Variants in MNS1 observed in about 807,000 individuals in gnomAD.
MNS1 encodes the protein meiosis-specific nuclear structural protein 1.
A neutral mutation model predicts 72.0 loss-of-function variants in MNS1; 63 were observed. The observed-to-expected ratio is 0.87, with a 90% CI of 0.71 to 1.08. The LOEUF (loss-of-function observed/expected upper bound fraction) is 1.08. Ranked by LOEUF, MNS1 falls within the 50% of genes least tolerant of loss-of-function variation. MNS1 has a pLI of 0.00. For missense variants in MNS1, 604 were observed against 562.4 expected (o/e 1.07, Z -0.75); for synonymous variants, 188 against 172.1 (o/e 1.09, Z -0.72).
chr15:56,431,579 G>C lies in MNS1; in HGVS notation c.1270-81C>G. 6.4e-6 allele frequency: 9 copies of C among 1,407,400 alleles called. No individual in the cohort carries two copies. In the South Asian group the frequency reaches 1.0e-4, roughly 16 times the overall value. 87.2% of individuals were successfully genotyped at this position (1,407,400 alleles called of 1,614,324 possible). On this transcript the variant is annotated intron_variant, in intron 8 of 9. Coordinates refer to ENST00000260453, the MANE Select transcript of MNS1 (RefSeq NM_018365.4). ...TTTCAAATAAAACTACTCATGCAAT[G>C]AATTAGATAAAATTGATGAACTATT...
intron 2 of MNS1, 57 bp downstream of exon 2, chr15:56,463,969 T>C: frequency 4.3e-6 from 6 of 1,388,326 alleles, no homozygotes; most frequent in Non-Finnish European, 5.9e-6. Context: ...CAGCTGACTT[T>C]CATCGTTTCC....
chr15:56,460,009 A>AAAAAAAAAAATATATATATATATATAT lies in MNS1; in HGVS notation c.226-3489_226-3488insATATATATATATATATATTTTTTTTTT. Among the ~76,000 whole-genome samples the AAAAAAAAAAATATATATATATATATAT allele has an allele frequency of 8.3e-4, 22 of 26,370 alleles. 3 individuals are homozygous for AAAAAAAAAAATATATATATATATATAT. Among genetic ancestry groups the AAAAAAAAAAATATATATATATATATAT allele is most frequent in the Non-Finnish European group, 1.0e-3 (15 of 14,294 alleles). 17.3% of individuals were successfully genotyped at this position (26,370 alleles called of 152,430 possible). A position where few individuals can be genotyped will look rare whatever the true frequency, so the allele number is the denominator to read the frequency against. On this transcript the variant is annotated intron_variant, in intron 2 of 9. Transcript: ENST00000260453. ...CTGTCTCAAAAAAAAAAAAAAAAAAAATACATATATATATATATATATATA... is the reference window on the plus strand; with the variant it reads ...CTGTCTCAAAAAAAAAAAAAAAAAAAAAAAAAAAAATATATATATATATATATATACATATATATATATATATATATA...
intron 7 of MNS1, among the ~76,000 whole-genome samples, chr15:56,437,375 T>C (rs1467382553): frequency 6.6e-6 from 1 of 152,140 alleles, no homozygotes; most frequent in Admixed American, 6.5e-5. Flanking sequence ...CACATGATTA[T>C]CTCAATAGAT....
At chr15:56,464,301 T>A (rs1045341719) in intron 1 of MNS1, 54 bp from the exon 2 acceptor site, 1 of 1,279,810 alleles carries the variant, frequency 7.8e-7, no homozygotes, top group Non-Finnish European at 1.1e-6. Context: ...AATCTAATTT[T>A]AAAAAATGTA....
chr15:56,460,009 A>AAAAATATATAT lies in MNS1; in HGVS notation c.226-3489_226-3488insATATATATTTT. On this transcript the variant is annotated intron_variant, in intron 2 of 9. Transcript: ENST00000260453. ...CTGTCTCAAAAAAAAAAAAAAAAAA[A>AAAAATATATAT]ATACATATATATATATATATATATA... Among the ~76,000 whole-genome samples, 15 of 26,384 alleles carry AAAAATATATAT rather than the reference A, an allele frequency of 5.7e-4. 4 individuals are homozygous for AAAAATATATAT. Among genetic ancestry groups the AAAAATATATAT allele is most frequent in the Non-Finnish European group, 9.8e-4 (14 of 14,306 alleles). 17.3% of individuals were successfully genotyped at this position (26,384 alleles called of 152,430 possible).
Position 56,429,099 on chromosome 15 carries a change from T to TA in MNS1, c.*1dup, listed in dbSNP as rs1466466328. ...TCTATGCTTTACCCAATTTTGATGA[T>TA]ATCATTTCTCTTCACAAATTTCACT... On this transcript the variant is annotated 3_prime_UTR_variant, in exon 10 of 10. Transcript: ENST00000260453. The TA allele has an allele frequency of 5.1e-6, 8 of 1,572,950 alleles. No individual in the cohort carries two copies. Among genetic ancestry groups the TA allele is most frequent in the Middle Eastern group, 1.7e-4 (1 of 5,982 alleles).
At chr15:56,456,110 GATT>G (rs2050980031) in intron 3 of MNS1, among the ~76,000 whole-genome samples, 2 of 152,096 alleles carry the variant, frequency 1.3e-5, no homozygotes, top group African/African-American at 4.8e-5. Flanking sequence ...TTTCTCTTAA[GATT>G]AGGAATTCAT....
intron 2 of MNS1, among the ~76,000 whole-genome samples, chr15:56,460,009 A>AAAAAAAATATATATATATATAT: frequency 3.8e-5 from 1 of 26,386 alleles, no homozygotes; most frequent in Non-Finnish European, 7.0e-5. Context: ...AAAAAAAAAA[A>AAAAAAAATATATATATATATAT]ATACATATAT....
Position 56,434,215 on chromosome 15 carries a change from T to G in MNS1, c.1192A>C (p.Arg398=). Residue 398 remains arginine (R), a synonymous_variant, in exon 8 of 10, where the codon AGA becomes CGA. Transcript: ENST00000260453. ...CTCCTGTGTTCCAGCTGCTTCATTC[T>G]TTGTTTCTGAGCATTCATTAATTCT... ...RIELMNAQKQ[R]MKQLEHRRAV... 1.2e-6 allele frequency: 2 copies of G among 1,613,980 alleles called. No homozygotes were observed. The highest frequency in any genetic ancestry group is 4.5e-5 in the East Asian group (2 of 44,864).
chr15:56,434,285 G>A lies in MNS1; in HGVS notation c.1122C>T (p.Asn374=). 6.2e-7 allele frequency: 1 copy of A among 1,613,908 alleles called. No homozygotes were observed. The highest frequency in any genetic ancestry group is 8.5e-7 in the Non-Finnish European group (1 of 1,179,922). ...VLQAAKEEEE[N]FRKTMLAKFA... ...ATTTAGCTAGCATAGTTTTTCTAAA[G>A]TTCTCCTCTTCCTCTTTTGCAGCCT... The change falls in exon 8 of 10, where the codon AAC becomes AAT. Residue 374 remains asparagine (N), a synonymous_variant. Coordinates refer to ENST00000260453, the MANE Select transcript of MNS1 (RefSeq NM_018365.4).
chr15:56,464,963 G>A lies in MNS1; in HGVS notation c.3+7C>T, dbSNP rs781179070. ...ACAAGTAGTTTCAAGTCCCCCAACT[G>A]GCTCACCATCTTGGCTGACGAAAAA... is the stretch of plus-strand genomic sequence containing the variant. On this transcript the variant is annotated splice_region_variant and intron_variant, in intron 1 of 9. Coordinates refer to ENST00000260453, the MANE Select transcript of MNS1 (RefSeq NM_018365.4). 4.3e-6 allele frequency: 7 copies of A among 1,611,342 alleles called. No individual in the cohort carries two copies. The highest frequency in any genetic ancestry group is 5.9e-6 in the Non-Finnish European group (7 of 1,179,066).
At chr15:56,432,556 C>T (rs1035872152) in intron 8 of MNS1, among the ~76,000 whole-genome samples, 10 of 152,082 alleles carry the variant, frequency 6.6e-5, no homozygotes, top group African/African-American at 2.4e-4. Context: ...CAAAACTAAG[C>T]CGACAGCTTC....
At chr15:56,464,870 C>A (rs1251700719) in intron 1 of MNS1, 100 bp downstream of exon 1, 2 of 1,505,474 alleles carry the variant, frequency 1.3e-6, no homozygotes, top group South Asian at 1.2e-5. Flanking sequence ...AATTAATGAC[C>A]AGATTAAGCA....
At chr15:56,463,982 G>T (rs1444193101) in intron 2 of MNS1, 44 bp downstream of exon 2, 9 of 1,477,838 alleles carry the variant, frequency 6.1e-6, no homozygotes, top group South Asian at 1.2e-5. Flanking sequence ...TCGTTTCCAA[G>T]GTGCAAAATG....
Position 56,443,482 on chromosome 15 carries a change from C to T in MNS1, c.959G>A (p.Arg320Gln), listed in dbSNP as rs776055702. 1.3e-5 allele frequency: 20 copies of T among 1,599,350 alleles called. No homozygotes were observed. Among genetic ancestry groups the T allele is most frequent in the Non-Finnish European group, 1.4e-5 (17 of 1,175,954 alleles). ...LRQREDLEQV[R>Q]QELYQEEQAE... ...TTGTTCTTCCTGGTATAATTCTTGT[C>T]GCACTTGTTCCAAATCTTCACGTTG... is the stretch of plus-strand genomic sequence containing the variant. The change falls in exon 7 of 10, where the codon CGA becomes CAA. Residue 320 changes from arginine (R) to glutamine (Q), a missense_variant. Physicochemically the swap from Arg to Gln is conservative, Grantham distance 43. Coordinates refer to ENST00000260453, the MANE Select transcript of MNS1 (RefSeq NM_018365.4).
At chr15:56,438,710 C>T (rs1378356705) in intron 7 of MNS1, among the ~76,000 whole-genome samples, 2 of 152,128 alleles carry the variant, frequency 1.3e-5, no homozygotes, top group African/African-American at 4.8e-5. Context: ...AACAGCCAAC[C>T]TACAGAATGG....
chr15:56,437,967 G>A (rs527965794), intron 7 of MNS1, among the ~76,000 whole-genome samples: 53 of 152,194 alleles, frequency 3.5e-4, no homozygotes, highest in Admixed American at 1.8e-3. Flanking sequence ...AATAAAAGAC[G>A]ACACAAACAA....
intron 8 of MNS1, among the ~76,000 whole-genome samples, chr15:56,431,740 A>G (rs1197966301): frequency 4.6e-5 from 7 of 152,030 alleles, no homozygotes; most frequent in Admixed American, 1.3e-4. Flanking sequence ...TATTTTCAGG[A>G]AAGTGTCTTC....
At chr15:56,463,375 G>A (rs537089527) in intron 2 of MNS1, among the ~76,000 whole-genome samples, 4 of 152,200 alleles carry the variant, frequency 2.6e-5, no homozygotes, top group Admixed American at 2.6e-4. Context: ...AAAAATCTGA[G>A]TGCTTATTCT....
Sources: allele counts gnomAD v4.1 joint callset (sites outside exome capture counted in the v4.1 genomes callset), GRCh38; gene constraint gnomAD v4.1.1; transcripts MANE v1.5; gene names NCBI Gene and HGNC (gene_info 2026-07-23, HGNC 2026-07-21).